Variants in SLCO1A2 observed in about 807,000 individuals in gnomAD.
SLCO1A2 encodes solute carrier organic anion transporter family member 1A2, also known as OATP-1.
SLCO1A2 carries 67 observed loss-of-function variants against 69.0 expected under a neutral mutation model. That is an observed-to-expected ratio of 0.97 (90% CI 0.80 to 1.19). SLCO1A2 has a LOEUF of 1.19. SLCO1A2 is among the 50% of genes most tolerant of loss of function. The probability of loss-of-function intolerance (pLI) is 0.00; values close to 1 mark genes in which losing one functional copy is unlikely to be tolerated. For missense variants in SLCO1A2, 787 were observed against 793.7 expected (o/e 0.99, Z 0.10); for synonymous variants, 260 against 265.9 (o/e 0.98, Z 0.22).
At position 21,325,482 on chromosome 12, in the gene SLCO1A2, G is replaced by A. The variant is rs576665183; in HGVS notation, c.61-6559C>T. On this transcript the variant is annotated intron_variant, in intron 2 of 14. Transcript: ENST00000683939. Reference sequence around the variant, plus strand: ...ATTTGAGTTCCCAGCAAGGGATTGAGCCAAGGGACTTGGGCTCTTTTTTCA... The same window carrying A: ...ATTTGAGTTCCCAGCAAGGGATTGAACCAAGGGACTTGGGCTCTTTTTTCA... 5.9e-4 allele frequency among the ~76,000 whole-genome samples: 90 copies of A among 152,288 alleles called. No individual in the cohort carries two copies. In the Middle Eastern group the frequency reaches 0.017, roughly 29 times the overall value.
chr12:21,400,197 C>G (rs1210504723), upstream of SLCO1A2, among the ~76,000 whole-genome samples: 1 of 152,030 alleles, frequency 6.6e-6, no homozygotes, highest in African/African-American at 2.4e-5. Context: ...ACAAACAACC[C>G]CATCAAAAAG....
chr12:21,389,985 GAC>G (rs1231790452), intron 1 of SLCO1A2, among the ~76,000 whole-genome samples: 2 of 150,856 alleles, frequency 1.3e-5, no homozygotes, highest in Admixed American at 6.6e-5. Context: ...ATGGCAAAAA[GAC>G]ACAATTACTT....
intron 12 of SLCO1A2, among the ~76,000 whole-genome samples, chr12:21,282,710 G>A (rs2136192905): frequency 6.6e-6 from 1 of 152,038 alleles, no homozygotes; most frequent in South Asian, 2.1e-4. Flanking sequence ...CCACCAAAAA[G>A]CCATTCAAAA....
In SLCO1A2 at chr12:21,343,895, C is replaced by T. The variant is rs115682405; in HGVS notation, c.-62-9186G>A. Among the ~76,000 whole-genome samples the T allele has an allele frequency of 3.2e-3, 491 of 152,194 alleles. 8 individuals carry two copies. The highest frequency in any genetic ancestry group is 0.011 in the African/African-American group (476 of 41,544). On this transcript the variant is annotated intron_variant, in intron 2 of 15. Transcript: ENST00000307378. Reference sequence around the variant, plus strand: ...TCAAATCACACCCACTAGATGGACACTTACTGTGTCTACCCTCAAGACCAG... The same window carrying T: ...TCAAATCACACCCACTAGATGGACATTTACTGTGTCTACCCTCAAGACCAG...
intron 12 of SLCO1A2, among the ~76,000 whole-genome samples, chr12:21,284,727 GA>G: frequency 1.6e-5 from 1 of 63,074 alleles, no homozygotes; most frequent in South Asian, 5.8e-4. Flanking sequence ...CAACTACATG[GA>G]AACTGAACAA....
At chr12:21,320,856 A>T (rs1951519305) in intron 2 of SLCO1A2, among the ~76,000 whole-genome samples, 1 of 152,138 alleles carries the variant, frequency 6.6e-6, no homozygotes, top group African/African-American at 2.4e-5. Context: ...CTAGCTTATT[A>T]ATATATCCAA....
intron 8 of SLCO1A2, among the ~76,000 whole-genome samples, chr12:21,297,801 C>G (rs755012445): frequency 2.0e-5 from 3 of 152,096 alleles, no homozygotes; most frequent in Admixed American, 6.6e-5. Context: ...ACAGTTTTGC[C>G]CTCAATAAGT....
At position 21,268,676 on chromosome 12, in the gene SLCO1A2, G is replaced by C. The variant is rs1448219784; in HGVS notation, c.*872C>G. On this transcript the variant is annotated 3_prime_UTR_variant, in exon 15 of 15. Coordinates refer to ENST00000683939, the MANE Select transcript of SLCO1A2 (RefSeq NM_001386879.1). ...GATTATTTTGGGAAAATTAGTGTTT[G>C]TGTTCTACCTTAGGACACAATGGGT... The C allele has an allele frequency of 6.6e-6, 1 of 152,018 alleles. No homozygotes were observed. Among genetic ancestry groups the C allele is most frequent in the East Asian group, 1.9e-4 (1 of 5,186 alleles). The allele number at this position is 152,018 out of a possible 1,614,324, so 9.4% of individuals were successfully genotyped here. A position where few individuals can be genotyped will look rare whatever the true frequency, so the allele number is the denominator to read the frequency against.
intron 2 of SLCO1A2, among the ~76,000 whole-genome samples, chr12:21,345,087 T>C (rs1953208709): frequency 6.6e-6 from 1 of 151,988 alleles, no homozygotes; most frequent in African/African-American, 2.4e-5. Flanking sequence ...AAGAAGCTGG[T>C]TAATTTTTAA....
In SLCO1A2 at chr12:21,269,660, G is replaced by A; in HGVS notation, c.1901C>T (p.Ser634Phe). The A allele has an allele frequency of 8.1e-6, 13 of 1,612,590 alleles. No individual in the cohort carries two copies. The highest frequency in any genetic ancestry group is 1.1e-5 in the Non-Finnish European group (13 of 1,179,062). Residue 634 changes from serine (S) to phenylalanine (F), a missense_variant, in exon 15 of 15, where the codon TCT (serine) becomes TTT (phenylalanine). By Grantham distance (155) the Ser-to-Phe change is radical (BLOSUM62 -2). Transcript: ENST00000683939. ...TGTCTCTATAAGCTCTGTTCCTGAA[G>A]AGGCATTTTCACCAGGTAGATGACA... The part of the protein sequence containing the change: ...RKCHLPGENA[S>F]SGTELIETKV...
At chr12:21,380,916 G>A (rs1053904341) in intron 1 of SLCO1A2, among the ~76,000 whole-genome samples, 4 of 141,010 alleles carry the variant, frequency 2.8e-5, no homozygotes, top group East Asian at 2.3e-4. Context: ...ATTATCAGGC[G>A]ACTATCAGCT....
intron 2 of SLCO1A2, among the ~76,000 whole-genome samples, chr12:21,367,201 G>A (rs1939452772): frequency 6.6e-6 from 1 of 152,100 alleles, no homozygotes; most frequent in Non-Finnish European, 1.5e-5. Context: ...TTATAATTCT[G>A]AATAAAAATA....
In SLCO1A2 at chr12:21,297,584, G is replaced by A; in HGVS notation, c.911-16C>T. On this transcript the variant is annotated splice_polypyrimidine_tract_variant and intron_variant, in intron 8 of 14. Transcript: ENST00000683939. ...GGTAGAAAATCTGAAATGAAAGAAT[G>A]ACAACTGTGTCAAACGAACTTGGCT... 6.5e-7 allele frequency: 1 copy of A among 1,541,812 alleles called. No homozygotes were observed. Among genetic ancestry groups the A allele is most frequent in the Non-Finnish European group, 8.8e-7 (1 of 1,134,032 alleles).
chr12:21,284,390 G>A (rs530891559), intron 12 of SLCO1A2, among the ~76,000 whole-genome samples: 6 of 152,226 alleles, frequency 3.9e-5, no homozygotes, highest in East Asian at 1.9e-4. Context: ...GACAGTGGGC[G>A]CAGGCCAATA....
chr12:21,326,923 G>C (rs1952284617), intron 2 of SLCO1A2, among the ~76,000 whole-genome samples: 1 of 152,158 alleles, frequency 6.6e-6, no homozygotes, highest in African/African-American at 2.4e-5. Context: ...ATTCAAGATG[G>C]CTGCAGAAAC....
chr12:21,344,894 C>T (rs1953202862), intron 2 of SLCO1A2, among the ~76,000 whole-genome samples: 5 of 151,844 alleles, frequency 3.3e-5, no homozygotes. Context: ...TAACTAATTG[C>T]AATATTGCTT....
chr12:21,370,899 G>A (rs1257880895), intron 2 of SLCO1A2, among the ~76,000 whole-genome samples: 1 of 152,148 alleles, frequency 6.6e-6, no homozygotes, highest in Non-Finnish European at 1.5e-5. Context: ...GCCCTCAAGG[G>A]TTCTTGGCTT....
At chr12:21,413,237 C>CTTTTTTTTTTTTTTTTTTTTTTTTTT (rs3983534) in intron 1 of SLCO1A2, among the ~76,000 whole-genome samples, 12 of 99,432 alleles carry the variant, frequency 1.2e-4, no homozygotes, top group African/African-American at 2.0e-4. Flanking sequence ...TTTTCTTTTT[C>CTTTTTTTTTTTTTTTTTTTTTTTTTT]TTTTTTTTTT....
chr12:21,384,718 A>C (rs1281705568), intron 1 of SLCO1A2, among the ~76,000 whole-genome samples: 1 of 152,164 alleles, frequency 6.6e-6, no homozygotes, highest in Non-Finnish European at 1.5e-5. Context: ...AAGGCATTAT[A>C]AAAAGAAAAA....
Sources: allele counts gnomAD v4.1 joint callset (sites outside exome capture counted in the v4.1 genomes callset), GRCh38; gene constraint gnomAD v4.1.1; transcripts MANE v1.5; gene names NCBI Gene and HGNC (gene_info 2026-07-23, HGNC 2026-07-21).